Variants in HPSE2 observed in about 807,000 individuals in gnomAD.
The protein encoded by HPSE2 is inactive heparanase-2.
A neutral mutation model predicts 60.5 loss-of-function variants in HPSE2; 38 were observed. The observed-to-expected ratio is 0.63, with a 90% CI of 0.48 to 0.82. The LOEUF (loss-of-function observed/expected upper bound fraction) is 0.82. HPSE2 is among the 40% of genes least tolerant of loss of function. HPSE2 has a pLI of 0.00. For missense variants in HPSE2, 713 were observed against 740.4 expected, an observed-to-expected ratio of 0.96 and a Z score of 0.43; for synonymous variants, 295 against 293.2, an observed-to-expected ratio of 1.01 and a Z score of -0.06.
At chr10:98,818,666 T>G (rs1429675219) in intron 3 of HPSE2, among the ~76,000 whole-genome samples, 1 of 152,100 alleles carries the variant, frequency 6.6e-6, no homozygotes, top group African/African-American at 2.4e-5. Context: ...TAACATTCCC[T>G]AAACCAGTAG....
Position 98,624,961 on chromosome 10 carries a change from C to T in HPSE2, c.1099-4253G>A, listed in dbSNP as rs186761938. On this transcript the variant is annotated intron_variant, in intron 7 of 11. Coordinates refer to ENST00000370552, the MANE Select transcript of HPSE2 (RefSeq NM_021828.5). ...TGGTAGGATTCTGAACTACCATTTT[C>T]GATCCAAGTAAGAAATTCAGGAAAT... Among the ~76,000 whole-genome samples, 521 of 152,304 alleles carry T rather than the reference C, an allele frequency of 3.4e-3. 1 individual carries two copies. Among genetic ancestry groups the T allele is most frequent in the African/African-American group, 0.012 (492 of 41,574 alleles).
chr10:98,905,555 T>C (rs1953792137), intron 3 of HPSE2, among the ~76,000 whole-genome samples: 1 of 152,136 alleles, frequency 6.6e-6, no homozygotes, highest in Non-Finnish European at 1.5e-5. Flanking sequence ...TGACTTCTAT[T>C]CATTCAGCCT....
intron 3 of HPSE2, among the ~76,000 whole-genome samples, chr10:98,801,171 T>C (rs1950898077): frequency 1.3e-5 from 2 of 152,160 alleles, no homozygotes; most frequent in Admixed American, 1.3e-4. Flanking sequence ...CCCTTCATGA[T>C]AAAACTGTCA....
At chr10:98,608,189 T>C (rs984638100) in intron 9 of HPSE2, among the ~76,000 whole-genome samples, 1 of 152,220 alleles carries the variant, frequency 6.6e-6, no homozygotes, top group Non-Finnish European at 1.5e-5. Context: ...CCAATACTTT[T>C]AAGCAGTACA....
intron 6 of HPSE2, among the ~76,000 whole-genome samples, chr10:98,655,795 T>C (rs952086048): frequency 4.8e-5 from 4 of 82,880 alleles, no homozygotes; most frequent in Admixed American, 1.0e-4. Context: ...TGGTCTGCCA[T>C]GGTTATGAGA....
At position 99,178,510 on chromosome 10, in the gene HPSE2, GA is replaced by G. The variant is rs1364526312; in HGVS notation, c.449-34112del. ...TAAACACCTCTACGCAAATAAACTAGAAAATCTAGGAAAACCGGATAAATTC... is the reference window on the plus strand; with the variant it reads ...TAAACACCTCTACGCAAATAAACTAGAAATCTAGGAAAACCGGATAAATTC... On this transcript the variant is annotated intron_variant, in intron 2 of 11. Coordinates refer to ENST00000370552, the MANE Select transcript of HPSE2 (RefSeq NM_021828.5). Among the ~76,000 whole-genome samples the G allele has an allele frequency of 7.5e-5, 8 of 106,850 alleles. No individual in the cohort carries two copies. In the East Asian group the frequency reaches 2.1e-3, roughly 28 times the overall value. 70.1% of individuals were successfully genotyped at this position (106,850 alleles called of 152,430 possible).
intron 3 of HPSE2, among the ~76,000 whole-genome samples, chr10:98,960,735 A>ATTTTT (rs1192601127): frequency 4.1e-5 from 2 of 48,378 alleles, no homozygotes; most frequent in African/African-American, 7.9e-5. Flanking sequence ...TATTTTTTTT[A>ATTTTT]TTTTATTTTT....
chr10:98,607,947 G>A (rs572096442), intron 9 of HPSE2, among the ~76,000 whole-genome samples: 1 of 152,262 alleles, frequency 6.6e-6, no homozygotes, highest in African/African-American at 2.4e-5. Flanking sequence ...TTTTAACAAA[G>A]TGACTTTATA....
intron 9 of HPSE2, among the ~76,000 whole-genome samples, chr10:98,517,199 T>TGGGGGGGG (rs1554926104): frequency 6.2e-5 from 7 of 113,726 alleles, no homozygotes; most frequent in Non-Finnish European, 9.3e-5. Context: ...GGGTGTGGGG[T>TGGGGGGGG]GGGGGGGGCG....
At chr10:98,634,402 T>C (rs184558545) in intron 7 of HPSE2, among the ~76,000 whole-genome samples, 1 of 152,332 alleles carries the variant, frequency 6.6e-6, no homozygotes, top group Non-Finnish European at 1.5e-5. Flanking sequence ...GTTCTTACCC[T>C]AGTAATGTGT....
intron 3 of HPSE2, among the ~76,000 whole-genome samples, chr10:98,821,499 A>G (rs1951422585): frequency 6.6e-6 from 1 of 152,246 alleles, no homozygotes; most frequent in Non-Finnish European, 1.5e-5. Context: ...AAAAATGTGC[A>G]GCACATGACT....
At chr10:98,879,852 C>CGT (rs3043546) in intron 3 of HPSE2, among the ~76,000 whole-genome samples, 21,946 of 145,384 alleles carry the variant, frequency 0.15, 1,722 homozygotes, top group Middle Eastern at 0.2. Context: ...TGTGCATGTG[C>CGT]GTGTGTGTGT....
At chr10:98,473,775 GAAAACACCTTTGGCC>G (rs1940884838) in intron 11 of HPSE2, among the ~76,000 whole-genome samples, 1 of 152,146 alleles carries the variant, frequency 6.6e-6, no homozygotes, top group African/African-American at 2.4e-5. Flanking sequence ...GAAAGGGCAA[GAAAACACCTTTGGCC>G]TAATACATGG....
the HPSE2 span, among the ~76,000 whole-genome samples, chr10:99,256,526 G>A: frequency 6.7e-6 from 1 of 149,692 alleles, no homozygotes; most frequent in Non-Finnish European, 1.5e-5. Context: ...GCACAAAATG[G>A]ACTATGACAC....
the HPSE2 span, among the ~76,000 whole-genome samples, chr10:99,295,595 T>G: frequency 6.6e-6 from 1 of 152,218 alleles, no homozygotes; most frequent in Non-Finnish European, 1.5e-5. Context: ...TTTAACTTTT[T>G]TATACAAGAG....
intron 6 of HPSE2, among the ~76,000 whole-genome samples, chr10:98,661,833 T>C (rs930587592): frequency 1.3e-5 from 2 of 152,232 alleles, no homozygotes; most frequent in Non-Finnish European, 2.9e-5. Flanking sequence ...TCTTACACTA[T>C]GCAGCTGTGT....
At chr10:98,512,812 A>AACACACACACAC (rs71007394) in intron 9 of HPSE2, among the ~76,000 whole-genome samples, 8,353 of 124,534 alleles carry the variant, frequency 0.067, 466 homozygotes, top group African/African-American at 0.13. Context: ...CCCACCCCCC[A>AACACACACACAC]ACACACACAC....
chr10:98,482,637 T>C lies in HPSE2; in HGVS notation c.1612A>G (p.Lys538Glu). ...QPYGQEGLKS[K>E]SVQLNGQPLV... ...AGCTATTTTCAGGTTGGCACGTACT[T>C]GGACTTTAGGCCCTCCTGCCCATAG... is the stretch of plus-strand genomic sequence containing the variant. Residue 538 changes from lysine to glutamate, a missense_variant and splice_region_variant, in exon 11 of 12, where the codon AAG (lysine) becomes GAG (glutamate). By Grantham distance (56) the Lys-to-Glu change is moderately conservative. Transcript: ENST00000370552. 1 of 1,614,148 alleles carries C rather than the reference T, an allele frequency of 6.2e-7. No homozygotes were observed.
intron 4 of HPSE2, among the ~76,000 whole-genome samples, chr10:98,743,130 G>A (rs938108101): frequency 5.3e-5 from 8 of 151,610 alleles, no homozygotes; most frequent in African/African-American, 1.2e-4. Context: ...CTGCCACCAC[G>A]TCTGGCTAAT....
Sources: gnomAD v4.1 joint callset for allele counts (sites outside exome capture counted in the v4.1 genomes callset) on GRCh38, gnomAD v4.1.1 for gene constraint, MANE v1.5 for transcripts, NCBI Gene and HGNC (gene_info 2026-07-23, HGNC 2026-07-21) for gene names.